The following PTPRD variants were observed in gnomAD, a reference collection of about 807,000 sequenced individuals.
The protein encoded by PTPRD is protein tyrosine phosphatase receptor type D.
PTPRD carries 34 observed loss-of-function variants against 214.5 expected under a neutral mutation model. That is an observed-to-expected ratio of 0.16 (90% CI 0.12 to 0.21). The LOEUF is 0.21. Among genes scored for constraint, PTPRD ranks in the 10% least tolerant of loss-of-function variants. The pLI, the probability that PTPRD is intolerant of heterozygous loss-of-function variation, is 1.00. For synonymous variants in PTPRD, 1,128 were observed against 845.7 expected, an observed-to-expected ratio of 1.33 and a Z score of -5.79; for missense variants, 2,545 against 2,398.7, an observed-to-expected ratio of 1.06 and a Z score of -1.27.
chr9:10,110,151 T>G, intron 3 of PTPRD, among the ~76,000 whole-genome samples: 1 of 152,196 alleles, frequency 6.6e-6, no homozygotes, highest in East Asian at 1.9e-4. Context: ...TAAGTACTTA[T>G]TGACACAAAG....
At chr9:8,357,254 C>T (rs1451404979) in intron 39 of PTPRD, among the ~76,000 whole-genome samples, 1 of 152,192 alleles carries the variant, frequency 6.6e-6, no homozygotes. Context: ...GCTGCTTTTC[C>T]TAACTTTACC....
intron 3 of PTPRD, among the ~76,000 whole-genome samples, chr9:10,222,926 T>G (rs1057157530): frequency 1.3e-5 from 2 of 152,030 alleles, no homozygotes; most frequent in African/African-American, 4.8e-5. Flanking sequence ...TATTTGTGTT[T>G]GGTGGAGGGC....
At chr9:8,813,978 A>G (rs2096869608) in intron 11 of PTPRD, among the ~76,000 whole-genome samples, 1 of 152,178 alleles carries the variant, frequency 6.6e-6, no homozygotes, top group African/African-American at 2.4e-5. Flanking sequence ...CTGTCACACA[A>G]CACTGAAGTG....
chr9:9,117,569 A>T (rs1467405189), intron 10 of PTPRD, among the ~76,000 whole-genome samples: 1 of 152,070 alleles, frequency 6.6e-6, no homozygotes, highest in Non-Finnish European at 1.5e-5. Flanking sequence ...AAGATCTTTT[A>T]TTTTTCTCTT....
chr9:9,400,686 G>A (rs2070005854), intron 8 of PTPRD, among the ~76,000 whole-genome samples: 1 of 151,988 alleles, frequency 6.6e-6, no homozygotes, highest in South Asian at 2.1e-4. Flanking sequence ...TATTGATTGA[G>A]AGAAGAAGGA....
rs775301119 is a variant in PTPRD at position 8,636,828 on chromosome 9, T to C, written c.81A>G (p.Thr27=). 8 of 1,613,856 alleles carry C rather than the reference T, an allele frequency of 5.0e-6. No individual in the cohort carries two copies. In the South Asian group the frequency reaches 5.5e-5, roughly 11 times the overall value. The change falls in exon 13 of 46, where the codon ACA becomes ACG. Residue 27 remains threonine, a synonymous_variant. Transcript: ENST00000381196. ...CCCCTGTCTGATCAACGGGTGTTCG[T>C]GTAAACCTTGGAGGTGCTGAAATAA... ...RTDAETPPRF[T]RTPVDQTGVS...
At chr9:8,562,521 C>G (rs2086806546) in intron 14 of PTPRD, among the ~76,000 whole-genome samples, 1 of 152,060 alleles carries the variant, frequency 6.6e-6, no homozygotes, top group African/African-American at 2.4e-5. Flanking sequence ...CCTGCAACCT[C>G]GAACTCCCAG....
chr9:8,810,483 G>C (rs546860810), intron 11 of PTPRD, among the ~76,000 whole-genome samples: 1 of 152,246 alleles, frequency 6.6e-6, no homozygotes, highest in East Asian at 1.9e-4. Flanking sequence ...ATGGGCATTA[G>C]GATGTCCTAA....
At chr9:9,315,902 C>T (rs986984522) in intron 9 of PTPRD, among the ~76,000 whole-genome samples, 6 of 140,822 alleles carry the variant, frequency 4.3e-5, no homozygotes, top group Admixed American at 7.3e-5. Flanking sequence ...ACCTCAGCTA[C>T]GGAAAGCTTT....
chr9:9,379,799 G>C (rs1333033419), intron 9 of PTPRD, among the ~76,000 whole-genome samples: 1 of 151,882 alleles, frequency 6.6e-6, no homozygotes, highest in Non-Finnish European at 1.5e-5. Context: ...GCTAATGTAA[G>C]TGTTATTTTG....
In PTPRD at chr9:10,038,742, T is replaced by C. The variant is rs114949861; in HGVS notation, c.-544-4952A>G. On this transcript the variant is annotated intron_variant, in intron 3 of 45. Coordinates refer to ENST00000381196, the MANE Select transcript of PTPRD (RefSeq NM_002839.4). The stretch of plus-strand genomic sequence containing the variant: ...ATAATTTGGACTCACTTTATATTTT[T>C]CTTTTATTCATCTATTCTCAGAGAA... Among the ~76,000 whole-genome samples the C allele has an allele frequency of 5.4e-3, 826 of 152,228 alleles. 10 individuals carry two copies. The highest frequency in any genetic ancestry group is 0.018 in the African/African-American group (763 of 41,566).
chr9:8,904,514 A>C (rs1347536253), intron 11 of PTPRD, among the ~76,000 whole-genome samples: 1 of 152,026 alleles, frequency 6.6e-6, no homozygotes, highest in African/African-American at 2.4e-5. Flanking sequence ...TCTACTAAAA[A>C]CACAAAAATT....
At chr9:9,023,846 T>C (rs924028583) in intron 10 of PTPRD, among the ~76,000 whole-genome samples, 1 of 152,122 alleles carries the variant, frequency 6.6e-6, no homozygotes, top group African/African-American at 2.4e-5. Context: ...ATTATTTTAC[T>C]TGCTTTTTTA....
rs575574069 is a variant in PTPRD at position 10,478,420 on chromosome 9, G to A, written c.-600+133978C>T. On this transcript the variant is annotated intron_variant, in intron 2 of 45. Coordinates refer to ENST00000381196, the MANE Select transcript of PTPRD (RefSeq NM_002839.4). Reference sequence around the variant, plus strand: ...TACCTGTACAAAGGAGATAATACCCGTATCTGGAAACTACTTAGCATTTCC... The same window carrying A: ...TACCTGTACAAAGGAGATAATACCCATATCTGGAAACTACTTAGCATTTCC... Among the ~76,000 whole-genome samples, 216 of 152,200 alleles carry A rather than the reference G, an allele frequency of 1.4e-3. 1 individual carries two copies. The highest frequency in any genetic ancestry group is 4.8e-3 in the African/African-American group (201 of 41,548).
intron 11 of PTPRD, among the ~76,000 whole-genome samples, chr9:9,015,219 C>G (rs1362006994): frequency 1.3e-5 from 2 of 152,108 alleles, no homozygotes; most frequent in African/African-American, 2.4e-5. Flanking sequence ...TTGAGACCTA[C>G]TGGGCTGTAT....
At chr9:10,330,473 T>C (rs185263929) in intron 3 of PTPRD, among the ~76,000 whole-genome samples, 2 of 151,966 alleles carry the variant, frequency 1.3e-5, no homozygotes, top group Admixed American at 1.3e-4. Flanking sequence ...AACACATTTT[T>C]TGTTCCTTTT....
intron 2 of PTPRD, among the ~76,000 whole-genome samples, chr9:10,405,147 CA>C: frequency 6.6e-6 from 1 of 151,678 alleles, no homozygotes; most frequent in East Asian, 2.0e-4. Flanking sequence ...AAAGAAACTA[CA>C]AAATTAACCT....
At chr9:9,108,957 C>G (rs1043468544) in intron 10 of PTPRD, among the ~76,000 whole-genome samples, 2 of 152,138 alleles carry the variant, frequency 1.3e-5, no homozygotes, top group African/African-American at 2.4e-5. Context: ...GCATCTCATT[C>G]AACTGAACCC....
intron 10 of PTPRD, among the ~76,000 whole-genome samples, chr9:9,174,394 A>G (rs77019512): frequency 0.014 from 2,091 of 152,286 alleles, 52 homozygotes; most frequent in African/African-American, 0.048. Context: ...TTTATTTACT[A>G]TGCTTACATA....
Sources: gnomAD v4.1 joint callset for allele counts (sites outside exome capture counted in the v4.1 genomes callset) on GRCh38, gnomAD v4.1.1 for gene constraint, MANE v1.5 for transcripts, NCBI Gene and HGNC (gene_info 2026-07-23, HGNC 2026-07-21) for gene names.